Variants in HDGFL3 observed in about 807,000 individuals in gnomAD.
HDGFL3 encodes the protein HDGF like 3, also known as hepatoma-derived growth factor-related protein 3.
HDGFL3 carries 6 observed loss-of-function variants against 27.6 expected under a neutral mutation model. That is an observed-to-expected ratio of 0.22 (90% CI 0.12 to 0.43). The LOEUF is 0.43. HDGFL3 is among the 20% of genes least tolerant of loss of function. HDGFL3 has a pLI of 1.00. For missense variants in HDGFL3, 207 were observed against 250.1 expected, an observed-to-expected ratio of 0.83 and a Z score of 1.16; for synonymous variants, 88 against 88.9, an observed-to-expected ratio of 0.99 and a Z score of 0.05.
exon 4 of HDGFL3, chr15:83,113,072 A>G (rs1355845155): frequency 1.1e-5 from 7 of 625,982 alleles, no homozygotes; most frequent in Non-Finnish European, 2.0e-5. Flanking sequence ...ATTGCCTCTC[A>G]GGCAGTGGAC....
In HDGFL3 at chr15:83,157,915, A is replaced by C. The variant is rs992291510; in HGVS notation, c.288T>G (p.Phe96Leu). 7 of 1,611,760 alleles carry C rather than the reference A, an allele frequency of 4.3e-6. No individual in the cohort carries two copies. In the Admixed American group the frequency reaches 5.0e-5, roughly 12 times the overall value. ...WEIENNPGVK[F>L]TGYQAIQQQS... ...AGTAAACCATTACCTGGTAGCCAGTAAACTTTACTCCTGGGTTATTTTCTA... is the reference window on the plus strand; with the variant it reads ...AGTAAACCATTACCTGGTAGCCAGTCAACTTTACTCCTGGGTTATTTTCTA... The change falls in exon 3 of 6, where the codon TTT becomes TTG. Residue 96 changes from phenylalanine to leucine, a missense_variant. Physicochemically the swap from Phe to Leu is conservative, Grantham distance 22. Transcript: ENST00000299633.
At chr15:83,182,814 AAGTAAATTAATGT>A (rs2037396166) in intron 1 of HDGFL3, among the ~76,000 whole-genome samples, 1 of 152,210 alleles carries the variant, frequency 6.6e-6, no homozygotes, top group African/African-American at 2.4e-5. Context: ...TTTAGGGATG[AAGTAAATTAATGT>A]CTGCAATTTA....
At chr15:83,158,590 C>G (rs771406451) in intron 2 of HDGFL3, among the ~76,000 whole-genome samples, 1 of 152,166 alleles carries the variant, frequency 6.6e-6, no homozygotes, top group Non-Finnish European at 1.5e-5. Context: ...CCCCTCTGAA[C>G]AGGTGATAAA....
At position 83,158,136 on chromosome 15, in the gene HDGFL3, T is replaced by C. The variant is rs2037056119; in HGVS notation, c.162-95A>G. The C allele has an allele frequency of 5.7e-6, 6 of 1,049,500 alleles. 1 individual carries two copies. The Admixed American group carries it at 7.8e-5, about 14-fold the overall frequency. The allele number at this position is 1,049,500 out of a possible 1,614,324, so 65.0% of individuals were successfully genotyped here. Reference sequence around the variant, plus strand: ...TCAGTGAAGATGTCAGAGCATACTATAGCAAACAAATCTAAAGTACATATA... The same window carrying C: ...TCAGTGAAGATGTCAGAGCATACTACAGCAAACAAATCTAAAGTACATATA... On this transcript the variant is annotated intron_variant, in intron 2 of 5. Transcript: ENST00000299633.
At chr15:83,165,794 C>CAAAAAAAAAAAAAAA (rs57873221) in intron 1 of HDGFL3, among the ~76,000 whole-genome samples, 2 of 13,842 alleles carry the variant, frequency 1.4e-4, no homozygotes, top group African/African-American at 3.6e-4. Context: ...GAATCCATCT[C>CAAAAAAAAAAAAAAA]AAAAAAAAAA....
chr15:83,201,273 G>A (rs1249644159), intron 1 of HDGFL3, among the ~76,000 whole-genome samples: 1 of 151,806 alleles, frequency 6.6e-6, no homozygotes, highest in Non-Finnish European at 1.5e-5. Flanking sequence ...CATACAAAAT[G>A]TAAGCCTCAA....
chr15:83,188,358 CT>C (rs1567176166), intron 1 of HDGFL3, among the ~76,000 whole-genome samples: 1 of 152,198 alleles, frequency 6.6e-6, no homozygotes, highest in East Asian at 1.9e-4. Context: ...TCAAGCAATT[CT>C]CGCGCCTCAG....
chr15:83,200,271 C>G (rs968684335), intron 1 of HDGFL3, among the ~76,000 whole-genome samples: 35 of 149,774 alleles, frequency 2.3e-4, no homozygotes, highest in Admixed American at 4.0e-4. Context: ...GGAGGCGGAG[C>G]TTGCAGTGAG....
chr15:83,154,648 T>C (rs991625882), intron 4 of HDGFL3, among the ~76,000 whole-genome samples: 31 of 152,214 alleles, frequency 2.0e-4, no homozygotes, highest in African/African-American at 7.2e-4. Flanking sequence ...AGGGATTTAA[T>C]GATACAAATG....
intron 1 of HDGFL3, among the ~76,000 whole-genome samples, chr15:83,190,177 C>T (rs569558777): frequency 6.7e-6 from 1 of 149,846 alleles, no homozygotes; most frequent in East Asian, 2.0e-4. Flanking sequence ...CACTATACTC[C>T]AGCCTGGGCA....
In HDGFL3 at chr15:83,136,423, A is replaced by ATGC; in HGVS notation, c.*2844_*2846dup. The ATGC allele has an allele frequency of 6.8e-7, 1 of 1,465,062 alleles. No homozygotes were observed. Among genetic ancestry groups the ATGC allele is most frequent in the Non-Finnish European group, 9.2e-7 (1 of 1,089,416 alleles). The allele number at this position is 1,465,062 out of a possible 1,614,324, so 90.8% of individuals were successfully genotyped here. On this transcript the variant is annotated 3_prime_UTR_variant, in exon 6 of 6. Coordinates refer to ENST00000299633, the MANE Select transcript of HDGFL3 (RefSeq NM_016073.4). ...CTGAATGAACCATTCAGAACTCATC[A>ATGC]TGCATCCAACTGAACACGTTTCATG... is the stretch of plus-strand genomic sequence containing the variant.
At chr15:83,206,453 C>T (rs2037717387) in intron 1 of HDGFL3, among the ~76,000 whole-genome samples, 1 of 152,234 alleles carries the variant, frequency 6.6e-6, no homozygotes, top group Admixed American at 6.5e-5. Context: ...ACAAAGCACA[C>T]ATGGCAGTGT....
chr15:83,201,203 CTAATGAGT>C (rs2037641908), intron 1 of HDGFL3, among the ~76,000 whole-genome samples: 1 of 150,102 alleles, frequency 6.7e-6, no homozygotes, highest in Non-Finnish European at 1.5e-5. Flanking sequence ...TTTTAAAGTT[CTAATGAGT>C]TGCAAACAGA....
chr15:83,115,566 G>C lies in HDGFL3; in HGVS notation c.*143C>G, dbSNP rs545399854. 4.7e-4 allele frequency: 270 copies of C among 568,596 alleles called. 5 individuals carry two copies. Among genetic ancestry groups the C allele is most frequent in the South Asian group, 4.3e-3 (266 of 61,902 alleles). The allele number at this position is 568,596 out of a possible 1,614,324, so 35.2% of individuals were successfully genotyped here. The stretch of plus-strand genomic sequence containing the variant: ...GAGGATGGGTGGAGTTGGCCTGCTA[G>C]AATCTTCTGTGACTGAGCCGGCAGT... On this transcript the variant is annotated 3_prime_UTR_variant, in exon 4 of 4. Transcript: ENST00000568294.
rs556625822 is a variant in HDGFL3 at position 83,156,257 on chromosome 15, C to G, written c.459+1158G>C. ...CTCTTCTTTGAGGTCTCAGCATAAA[C>G]TACACGTTTTCAGAAAGCCCTGGCC... is the stretch of plus-strand genomic sequence containing the variant. On this transcript the variant is annotated intron_variant, in intron 4 of 5. Transcript: ENST00000299633. Among the ~76,000 whole-genome samples, 81 of 152,266 alleles carry G rather than the reference C, an allele frequency of 5.3e-4. 1 individual carries two copies. Among genetic ancestry groups the G allele is most frequent in the South Asian group, 3.9e-3 (19 of 4,826 alleles).
chr15:83,123,693 C>T (rs556803320), downstream of HDGFL3, among the ~76,000 whole-genome samples: 100 of 152,304 alleles, frequency 6.6e-4, 1 homozygote, highest in African/African-American at 2.2e-3. Context: ...GTACTAACTT[C>T]CCTCTGAGGA....
At chr15:83,201,829 C>T (rs1406500208) in intron 1 of HDGFL3, among the ~76,000 whole-genome samples, 5 of 151,976 alleles carry the variant, frequency 3.3e-5, no homozygotes, top group Non-Finnish European at 7.4e-5. Flanking sequence ...CTATGAGCTC[C>T]CAGATTAAGT....
intron 3 of HDGFL3, chr15:83,121,997 A>G: frequency 6.2e-7 from 1 of 1,610,010 alleles, no homozygotes; most frequent in Non-Finnish European, 8.5e-7. Flanking sequence ...GCCAGGAAAC[A>G]TTGTAGGTAA....
downstream of HDGFL3, chr15:83,124,754 G>C: frequency 6.2e-7 from 1 of 1,614,024 alleles, no homozygotes; most frequent in Non-Finnish European, 8.5e-7. Context: ...CTGGCAACTG[G>C]ATTTTGCCTG....
Sources: allele counts gnomAD v4.1 joint callset (sites outside exome capture counted in the v4.1 genomes callset), GRCh38; gene constraint gnomAD v4.1.1; transcripts MANE v1.5; gene names NCBI Gene and HGNC (gene_info 2026-07-23, HGNC 2026-07-21).